PLA2G4D: variants seen among roughly 807,000 people sequenced by gnomAD.
PLA2G4D encodes phospholipase A2 group IVD, also known as cytosolic phospholipase A2 delta.
PLA2G4D carries 80 observed loss-of-function variants against 94.4 expected under a neutral mutation model. That is an observed-to-expected ratio of 0.85 (90% CI 0.71 to 1.02). The LOEUF (loss-of-function observed/expected upper bound fraction) is 1.02, where lower values mean the gene tolerates loss of function less well. PLA2G4D is among the 50% of genes least tolerant of loss of function. The probability of loss-of-function intolerance (pLI) is 0.00; values close to 1 mark genes in which losing one functional copy is unlikely to be tolerated. For missense variants in PLA2G4D, 1,050 were observed against 1,034.7 expected (o/e 1.01, Z -0.20); for synonymous variants, 438 against 440.9 (o/e 0.99, Z 0.08).
chr15:42,092,740 G>A (rs1452020594), intron 1 of PLA2G4D, among the ~76,000 whole-genome samples: 2 of 152,140 alleles, frequency 1.3e-5, no homozygotes, highest in African/African-American at 2.4e-5. Context: ...CCGGTGGAGA[G>A]GCCCAGGGCA....
intron 13 of PLA2G4D, among the ~76,000 whole-genome samples, chr15:42,074,409 A>G (rs76139571): frequency 0.023 from 3,552 of 152,270 alleles, 108 homozygotes; most frequent in African/African-American, 0.067. Flanking sequence ...TTAACTCAGG[A>G]AAGGATAAGA....
In PLA2G4D at chr15:42,068,624, G is replaced by T; in HGVS notation, c.*91C>A. The T allele has an allele frequency of 7.7e-7, 1 of 1,290,446 alleles. No homozygotes were observed. The highest frequency in any genetic ancestry group is 1.1e-6 in the Non-Finnish European group (1 of 940,412). 79.9% of individuals were successfully genotyped at this position (1,290,446 alleles called of 1,614,324 possible). On this transcript the variant is annotated 3_prime_UTR_variant, in exon 20 of 20. Transcript: ENST00000290472. ...GGCCACCCAGGCCTGGGAGAGCCCAGAACTCCAACCAGGAAGGCCTGTGGC... is the reference window on the plus strand; with the variant it reads ...GGCCACCCAGGCCTGGGAGAGCCCATAACTCCAACCAGGAAGGCCTGTGGC...
chr15:42,083,844 C>A, intron 6 of PLA2G4D, 65 bp from the exon 7 acceptor site: 1 of 1,503,326 alleles, frequency 6.7e-7, no homozygotes, highest in Non-Finnish European at 9.2e-7. Context: ...TTAACCTCAA[C>A]CCTCTGAGAC....
Position 42,070,065 on chromosome 15 carries a change from C to A in PLA2G4D, c.2074G>T (p.Ala692Ser). The A allele has an allele frequency of 6.6e-7, 1 of 1,521,122 alleles. No homozygotes were observed. The highest frequency in any genetic ancestry group is 8.8e-7 in the Non-Finnish European group (1 of 1,134,712). The allele number at this position is 1,521,122 out of a possible 1,614,324, so 94.2% of individuals were successfully genotyped here. The change falls in exon 19 of 20, where the codon GCC (alanine) becomes TCC (serine). Residue 692 changes from alanine to serine, a missense_variant. Ala to Ser is a moderately conservative substitution (Grantham distance 99). Coordinates refer to ENST00000290472, the MANE Select transcript of PLA2G4D (RefSeq NM_178034.4). ...ACCCGGGGGAAGGGCAGCCCCCGGG[C>A]CCGGCAGTACAGCTCCGTCTGCTGC... ...ALQQTELYCRARGLPFPRVEP... is the reference protein window; with the variant it reads ...ALQQTELYCRSRGLPFPRVEP...
rs770091021 is a variant in PLA2G4D at position 42,094,428 on chromosome 15, C to T, written c.32G>A (p.Gly11Asp). Reference sequence around the variant, plus strand: ...AGACACTGTTACCTGGTAAGGGTGGCCAGGTGGTCCCCCAGGTGACAGGCT... The same window carrying T: ...AGACACTGTTACCTGGTAAGGGTGGTCAGGTGGTCCCCCAGGTGACAGGCT... MESLSPGGPP[G>D]HPYQGEASTC... The change falls in exon 1 of 20, where the codon GGC becomes GAC. Residue 11 changes from glycine to aspartate, a missense_variant. Coordinates refer to ENST00000290472, the MANE Select transcript of PLA2G4D (RefSeq NM_178034.4). 1 of 1,614,066 alleles carries T rather than the reference C, an allele frequency of 6.2e-7. No individual in the cohort carries two copies. Among genetic ancestry groups the T allele is most frequent in the East Asian group, 2.2e-5 (1 of 44,884 alleles).
Position 42,069,977 on chromosome 15 carries a change from C to CACA in PLA2G4D, c.2161_2162insTGT (p.Ala720_Cys721insLeu). The CACA allele has an allele frequency of 6.8e-7, 1 of 1,476,116 alleles. No individual in the cohort carries two copies. Among genetic ancestry groups the CACA allele is most frequent in the Non-Finnish European group, 8.9e-7 (1 of 1,117,686 alleles). The allele number at this position is 1,476,116 out of a possible 1,614,324, so 91.4% of individuals were successfully genotyped here. On this transcript the variant is annotated inframe_insertion, in exon 19 of 20. Coordinates refer to ENST00000290472, the MANE Select transcript of PLA2G4D (RefSeq NM_178034.4). ...GTGCAGCAGGATCGGGGCCTCGGGG[C>CACA]AGGCGGGGTCTGAGAAGAGGTGGCA...
intron 1 of PLA2G4D, among the ~76,000 whole-genome samples, chr15:42,089,733 G>A (rs1395665468): frequency 1.3e-5 from 2 of 152,144 alleles, no homozygotes; most frequent in Non-Finnish European, 2.9e-5. Context: ...CAGGTGAAGG[G>A]CAGAGGCAGC....
chr15:42,087,382 T>A lies in PLA2G4D; in HGVS notation c.173A>T (p.Lys58Met). The stretch of plus-strand genomic sequence containing the variant: ...GTCGGTGAGCGTCTTGGTCTTAAAC[T>A]TCATTCCAGGTGCGGTCGACAGCTG... ...ILQLSTAPGM[K>M]FKTKTLTDTS... Residue 58 changes from lysine (K) to methionine (M), a missense_variant, in exon 3 of 20, where the codon AAG (lysine) becomes ATG (methionine). Physicochemically the swap from Lys to Met is moderately conservative, Grantham distance 95 (BLOSUM62 -1). Transcript: ENST00000290472. 1 of 1,614,144 alleles carries A rather than the reference T, an allele frequency of 6.2e-7. No homozygotes were observed.
In PLA2G4D at chr15:42,070,807, G is replaced by A. The variant is rs1025001317; in HGVS notation, c.1953C>T (p.Phe651=). 1.2e-6 allele frequency: 2 copies of A among 1,608,750 alleles called. No individual in the cohort carries two copies. The highest frequency in any genetic ancestry group is 1.7e-6 in the Non-Finnish European group (2 of 1,177,590). The part of the protein sequence containing the change: ...PRLCLVDAAY[F]INTSSPSMFR... ...ACATGGAGGGAGAGCTGGTGTTGAT[G>A]AAGTAGGCGGCGTCCACCAGGCAGA... is the stretch of plus-strand genomic sequence containing the variant. Residue 651 remains phenylalanine (F), a synonymous_variant, in exon 18 of 20, where the codon TTC becomes TTT. Coordinates refer to ENST00000290472, the MANE Select transcript of PLA2G4D (RefSeq NM_178034.4).
rs755348873 is a variant in PLA2G4D at position 42,070,081 on chromosome 15, C to T, written c.2058G>A (p.Thr686=). 9.2e-6 allele frequency: 14 copies of T among 1,514,222 alleles called. No homozygotes were observed. Among genetic ancestry groups the T allele is most frequent in the East Asian group, 2.7e-5 (1 of 37,074 alleles). The allele number at this position is 1,514,222 out of a possible 1,614,324, so 93.8% of individuals were successfully genotyped here. The change falls in exon 19 of 20, where the codon ACG becomes ACA. Residue 686 remains threonine, a synonymous_variant. Transcript: ENST00000290472. The part of the protein sequence containing the change: ...LSAPFEALQQ[T]ELYCRARGLP... ...GCCCCCGGGCCCGGCAGTACAGCTC[C>T]GTCTGCTGCAGTGCCTGGTGGGGAG...
intron 1 of PLA2G4D, among the ~76,000 whole-genome samples, chr15:42,093,916 G>T (rs537509469): frequency 2.0e-5 from 3 of 152,270 alleles, no homozygotes; most frequent in South Asian, 2.1e-4. Context: ...GACAGAGGGT[G>T]GGGGGGTGGC....
At chr15:42,074,150 A>G (rs1176961361) in intron 13 of PLA2G4D, among the ~76,000 whole-genome samples, 1 of 152,124 alleles carries the variant, frequency 6.6e-6, no homozygotes, top group Non-Finnish European at 1.5e-5. Flanking sequence ...TAGTTGCACA[A>G]TTTATGCCCT....
chr15:42,087,526 CACCGCAGGTG>C (rs1890173774), intron 2 of PLA2G4D, 90 bp from the exon 3 acceptor site: 2 of 1,605,010 alleles, frequency 1.2e-6, no homozygotes, highest in South Asian at 2.2e-5. Flanking sequence ...CCCTGGCGGT[CACCGCAGGTG>C]ACCCAGCCCA....
chr15:42,081,590 C>T lies in PLA2G4D; in HGVS notation c.846G>A (p.Leu282=). 1 of 1,614,170 alleles carries T rather than the reference C, an allele frequency of 6.2e-7. No homozygotes were observed. The highest frequency in any genetic ancestry group is 8.5e-7 in the Non-Finnish European group (1 of 1,180,036). ...EGCPEELAVH[L]GFNLCAEEQA... ...GCTCCTCTGCACAGAGATTGAAGCC[C>T]AGGTGCACGGCCAGCTCCTCAGGGC... is the stretch of plus-strand genomic sequence containing the variant. Residue 282 remains leucine, a synonymous_variant, in exon 11 of 20, where the codon CTG becomes CTA. Coordinates refer to ENST00000290472, the MANE Select transcript of PLA2G4D (RefSeq NM_178034.4).
At position 42,083,312 on chromosome 15, in the gene PLA2G4D, C is replaced by T. The variant is rs1237958782; in HGVS notation, c.558G>A (p.Glu186=). Residue 186 remains glutamate (E), a synonymous_variant, in exon 8 of 20, where the codon GAG becomes GAA. Coordinates refer to ENST00000290472, the MANE Select transcript of PLA2G4D (RefSeq NM_178034.4). ...VVADQDKLEL[E]LVLKGSYEDT... is the part of the protein sequence containing the mutation. ...CCTCATAGGACCCCTTCAGCACCAGCTCCAGCTCCAGCTTGTCCTGATCTA... is the reference window on the plus strand; with the variant it reads ...CCTCATAGGACCCCTTCAGCACCAGTTCCAGCTCCAGCTTGTCCTGATCTA... The T allele has an allele frequency of 6.2e-7, 1 of 1,613,682 alleles. No individual in the cohort carries two copies. The highest frequency in any genetic ancestry group is 8.5e-7 in the Non-Finnish European group (1 of 1,179,858).
Position 42,086,194 on chromosome 15 carries a change from T to TTGGGGGGGCCG in PLA2G4D, c.387+18_387+19insCGGCCCCCCCA. The stretch of plus-strand genomic sequence containing the variant: ...GGAAGAAGTGGGGCCCACGGGGACT[T>TTGGGGGGGCCG]CCCCACCCACCCACCCACCTGGGGA... On this transcript the variant is annotated intron_variant, in intron 4 of 19. Coordinates refer to ENST00000290472, the MANE Select transcript of PLA2G4D (RefSeq NM_178034.4). 2 of 1,370,444 alleles carry TTGGGGGGGCCG rather than the reference T, an allele frequency of 1.5e-6. No homozygotes were observed. The highest frequency in any genetic ancestry group is 1.9e-6 in the Non-Finnish European group (2 of 1,043,084). 84.9% of individuals were successfully genotyped at this position (1,370,444 alleles called of 1,614,324 possible).
At position 42,070,837 on chromosome 15, in the gene PLA2G4D, G is replaced by T; in HGVS notation, c.1923C>A (p.Pro641=). The part of the protein sequence containing the change: ...SMPSQLTPKE[P]RLCLVDAAYF... ...AGGCGGCGTCCACCAGGCAGAGCCG[G>T]GGCTCCTTGGGGGTCAGCTGGCTGG... Residue 641 remains proline (P), a synonymous_variant, in exon 18 of 20, where the codon CCC becomes CCA. Coordinates refer to ENST00000290472, the MANE Select transcript of PLA2G4D (RefSeq NM_178034.4). The T allele has an allele frequency of 2.5e-6, 4 of 1,611,972 alleles. No homozygotes were observed. Among genetic ancestry groups the T allele is most frequent in the Non-Finnish European group, 3.4e-6 (4 of 1,179,208 alleles).
rs529449331 is a variant in PLA2G4D at position 42,085,096 on chromosome 15, C to A, written c.471G>T (p.Val157=). 6.2e-7 allele frequency: 1 copy of A among 1,614,144 alleles called. No homozygotes were observed. Among genetic ancestry groups the A allele is most frequent in the African/African-American group, 1.3e-5 (1 of 75,040 alleles). ...PENLITNKVI[V]ARELSCLDVH... ...CCCTAAGCCTGGGGAAGGTGCTTAC[C>A]ACAATGACTTTGTTGGTGATGAGGT... Residue 157 remains valine, a splice_region_variant and synonymous_variant, in exon 6 of 20, where the codon GTG becomes GTT. Coordinates refer to ENST00000290472, the MANE Select transcript of PLA2G4D (RefSeq NM_178034.4).
intron 7 of PLA2G4D, 82 bp downstream of exon 7, chr15:42,083,634 C>A (rs1890084935): frequency 6.5e-7 from 1 of 1,528,926 alleles, no homozygotes; most frequent in Non-Finnish European, 9.0e-7. Context: ...CTGCTGGCCT[C>A]CTGCCCTGCG....
Sources: gnomAD v4.1 joint callset for allele counts (sites outside exome capture counted in the v4.1 genomes callset) on GRCh38, gnomAD v4.1.1 for gene constraint, MANE v1.5 for transcripts, NCBI Gene and HGNC (gene_info 2026-07-23, HGNC 2026-07-21) for gene names.